Variants in ZNF223 observed in about 807,000 individuals in gnomAD.
The protein encoded by ZNF223 is Homo sapiens zinc finger protein 223.
In ZNF223, 9 loss-of-function variants were observed where a neutral mutation model predicts 12.3. That is an observed-to-expected ratio of 0.73 (90% CI 0.44 to 1.28). ZNF223 has a LOEUF of 1.28. ZNF223 is among the 50% of genes most tolerant of loss of function. ZNF223 has a pLI of 0.00. For synonymous variants in ZNF223, 171 were observed against 195.2 expected (o/e 0.88, Z 1.03); for missense variants, 506 against 579.0 (o/e 0.87, Z 1.29).
In ZNF223 at chr19:44,066,530, TG is replaced by T; in HGVS notation, c.703del (p.Glu235AsnfsTer61). 6.2e-7 allele frequency: 1 copy of T among 1,614,202 alleles called. No individual in the cohort carries two copies. Among genetic ancestry groups the T allele is most frequent in the South Asian group, 1.1e-5 (1 of 91,088 alleles). ...VHTGEKPFKC[E>X]QCGRGFRCRS... ...ATACTGGAGAGAAACCTTTCAAATGTGAACAATGTGGGAGAGGCTTCAGATG... is the reference window on the plus strand; with the variant it reads ...ATACTGGAGAGAAACCTTTCAAATGTAACAATGTGGGAGAGGCTTCAGATG... On this transcript the variant is annotated frameshift_variant, in exon 5 of 5. Coordinates refer to ENST00000434772, the MANE Select transcript of ZNF223 (RefSeq NM_013361.6). LOFTEE classifies it low-confidence loss of function (END_TRUNC).
intron 1 of ZNF223, 115 bp from the exon 2 acceptor site, chr19:44,054,994 G>A (rs551265649): frequency 1.9e-6 from 1 of 519,166 alleles, no homozygotes; most frequent in Admixed American, 3.1e-5. Context: ...GGGTTAGTAT[G>A]AATAATGCTG....
Position 44,066,452 on chromosome 19 carries a change from G to A in ZNF223, c.624G>A (p.Val208=). ...GAGAGAAACTCTTTAAGTGTGACGT[G>A]TGTGGTAAGGAATTCAGTCAGAGTT... ...HLGEKLFKCD[V]CGKEFSQSLH... Residue 208 remains valine (V), a synonymous_variant, in exon 5 of 5, where the codon GTG becomes GTA. Coordinates refer to ENST00000434772, the MANE Select transcript of ZNF223 (RefSeq NM_013361.6). 1.2e-6 allele frequency: 2 copies of A among 1,614,192 alleles called. No individual in the cohort carries two copies. Among genetic ancestry groups the A allele is most frequent in the South Asian group, 1.1e-5 (1 of 91,076 alleles).
chr19:44,065,548 G>C (rs987821476), intron 4 of ZNF223, among the ~76,000 whole-genome samples: 5 of 148,688 alleles, frequency 3.4e-5, no homozygotes, highest in Middle Eastern at 3.5e-3. Flanking sequence ...TTTTTTATTT[G>C]AAATGTGGTA....
chr19:44,052,859 T>C (rs2147466085), intron 1 of ZNF223, among the ~76,000 whole-genome samples: 1 of 152,016 alleles, frequency 6.6e-6, no homozygotes, highest in East Asian at 1.9e-4. Flanking sequence ...AATAATACTG[T>C]TACCGATTAC....
intron 3 of ZNF223, 29 bp from the exon 4 acceptor site, chr19:44,060,720 A>G: frequency 6.2e-7 from 1 of 1,613,830 alleles, no homozygotes; most frequent in East Asian, 2.2e-5. Flanking sequence ...ATATGTTGGG[A>G]TTAAGCATGT....
intron 2 of ZNF223, among the ~76,000 whole-genome samples, chr19:44,058,126 A>G (rs1045172125): frequency 4.6e-5 from 7 of 152,204 alleles, no homozygotes; most frequent in Non-Finnish European, 1.5e-5. Flanking sequence ...TGAGAGAGGA[A>G]CAAAGCCCAG....
rs1043114212 is a variant in ZNF223, at chr19:44,056,777, T to A, written c.15+1586T>A. On this transcript the variant is annotated intron_variant, in intron 2 of 4. Coordinates refer to ENST00000434772, the MANE Select transcript of ZNF223 (RefSeq NM_013361.6). ...CACCCGGCTAATTTTTTTGTGTGTTTTTAGTAGAGACGGGGTTTCACCGTG... is the reference window on the plus strand; with the variant it reads ...CACCCGGCTAATTTTTTTGTGTGTTATTAGTAGAGACGGGGTTTCACCGTG... Among the ~76,000 whole-genome samples, 3 of 151,552 alleles carry A rather than the reference T, an allele frequency of 2.0e-5. No homozygotes were observed. In the South Asian group the frequency reaches 6.3e-4, roughly 32 times the overall value.
chr19:44,065,019 AC>A (rs1416376307), intron 4 of ZNF223, among the ~76,000 whole-genome samples: 1 of 152,106 alleles, frequency 6.6e-6, no homozygotes, highest in Non-Finnish European at 1.5e-5. Context: ...TGACCTAAAG[AC>A]CTACATTAAA....
intron 1 of ZNF223, among the ~76,000 whole-genome samples, chr19:44,053,636 G>C (rs1483541223): frequency 7.9e-5 from 12 of 152,122 alleles, no homozygotes; most frequent in Non-Finnish European, 1.5e-4. Context: ...ACTGCAAAGA[G>C]GCCTTCCTCT....
In ZNF223 at chr19:44,066,047, A is replaced by G. The variant is rs372138823; in HGVS notation, c.236-17A>G. The G allele has an allele frequency of 5.6e-5, 88 of 1,564,466 alleles. No homozygotes were observed. In the African/African-American group the frequency reaches 1.1e-3, roughly 20 times the overall value. On this transcript the variant is annotated splice_polypyrimidine_tract_variant and intron_variant, in intron 4 of 4. Coordinates refer to ENST00000434772, the MANE Select transcript of ZNF223 (RefSeq NM_013361.6). ...GGGCATAGCTTGTCCTGATCTCTTA[A>G]TTTTGTATTCTGATAGGAGGCAAGA...
In ZNF223 at chr19:44,055,154, A is replaced by G; in HGVS notation, c.-23A>G. 6.2e-7 allele frequency: 1 copy of G among 1,613,070 alleles called. No homozygotes were observed. Among genetic ancestry groups the G allele is most frequent in the Non-Finnish European group, 8.5e-7 (1 of 1,179,344 alleles). On this transcript the variant is annotated 5_prime_UTR_variant, in exon 2 of 5. Coordinates refer to ENST00000434772, the MANE Select transcript of ZNF223 (RefSeq NM_013361.6). ...GAACTGTGTCATTCAGGACTCTGCA[A>G]ATTCCCTAAAGTAGGAGGAAAAATG...
At chr19:44,054,298 T>G (rs1161074299) in intron 1 of ZNF223, among the ~76,000 whole-genome samples, 3 of 152,094 alleles carry the variant, frequency 2.0e-5, no homozygotes, top group Non-Finnish European at 4.4e-5. Flanking sequence ...GTCCCTTCAT[T>G]GGTGATCTCA....
chr19:44,059,684 G>A (rs145617665), intron 2 of ZNF223, among the ~76,000 whole-genome samples: 48 of 152,276 alleles, frequency 3.2e-4, no homozygotes, highest in Admixed American at 1.1e-3. Context: ...CTGTCCTGAG[G>A]CTACTACCAT....
chr19:44,060,703 A>C, intron 3 of ZNF223, 46 bp from the exon 4 acceptor site: 1 of 1,613,648 alleles, frequency 6.2e-7, no homozygotes, highest in Non-Finnish European at 8.5e-7. Context: ...CCGTGATATT[A>C]TCTAGAATAT....
intron 1 of ZNF223, among the ~76,000 whole-genome samples, chr19:44,053,409 A>T (rs879586897): frequency 6.6e-6 from 1 of 152,174 alleles, no homozygotes; most frequent in Non-Finnish European, 1.5e-5. Flanking sequence ...GTTTAAGGAA[A>T]GGAGTTGTGC....
In ZNF223 at chr19:44,063,869, T is replaced by G. The variant is rs539848589; in HGVS notation, c.236-2195T>G. 1.1e-4 allele frequency among the ~76,000 whole-genome samples: 16 copies of G among 152,252 alleles called. No individual in the cohort carries two copies. The South Asian group carries it at 3.3e-3, about 32-fold the overall frequency. On this transcript the variant is annotated intron_variant, in intron 4 of 4. Transcript: ENST00000434772. ...GAAAAATGGGGTCATCTGTTTTCAC[T>G]TAGGGCTGAGGTTCTAGGCTTAAGG...
rs1251886703 is a variant in ZNF223 at position 44,067,597 on chromosome 19, C to T, written c.*320C>T. ...GTTCTCACTACTTCTAAGAAATCAGCTTTTTAAGCTTCCCCATGTGATTGA... is the reference window on the plus strand; with the variant it reads ...GTTCTCACTACTTCTAAGAAATCAGTTTTTTAAGCTTCCCCATGTGATTGA... On this transcript the variant is annotated 3_prime_UTR_variant, in exon 5 of 5. Coordinates refer to ENST00000434772, the MANE Select transcript of ZNF223 (RefSeq NM_013361.6). The T allele has an allele frequency of 2.5e-6, 1 of 394,508 alleles. No homozygotes were observed. The highest frequency in any genetic ancestry group is 3.5e-5 in the Admixed American group (1 of 28,482). 24.4% of individuals were successfully genotyped at this position (394,508 alleles called of 1,614,324 possible).
chr19:44,060,472 G>A lies in ZNF223; in HGVS notation c.33G>A (p.Lys11=), dbSNP rs759965149. MTMSKEAVTF[K]DVAVVFTEEE... The stretch of plus-strand genomic sequence containing the variant: ...TGCTGTAGGAGGCAGTGACCTTCAA[G>A]GATGTGGCAGTGGTCTTCACTGAGG... The change falls in exon 3 of 5, where the codon AAG becomes AAA. Residue 11 remains lysine, a synonymous_variant. Transcript: ENST00000434772. 7.4e-5 allele frequency: 119 copies of A among 1,614,030 alleles called. 1 individual carries two copies. Among genetic ancestry groups the A allele is most frequent in the Non-Finnish European group, 1.0e-4 (119 of 1,180,006 alleles).
At position 44,060,509 on chromosome 19, in the gene ZNF223, C is replaced by A. The variant is rs756685152; in HGVS notation, c.70C>A (p.Leu24Met). 31 of 1,614,014 alleles carry A rather than the reference C, an allele frequency of 1.9e-5. No homozygotes were observed. The Admixed American group carries it at 5.0e-4, about 26-fold the overall frequency. Reference sequence around the variant, plus strand: ...GGTCTTCACTGAGGAGGAGCTGGGGCTGCTGGACCTTGCCCAGAGGAAGCT... The same window carrying A: ...GGTCTTCACTGAGGAGGAGCTGGGGATGCTGGACCTTGCCCAGAGGAAGCT... The part of the protein sequence containing the change: ...AVVFTEEELG[L>M]LDLAQRKLYR... The change falls in exon 3 of 5, where the codon CTG becomes ATG. Residue 24 changes from leucine to methionine, a missense_variant. Physicochemically the swap from Leu to Met is conservative, Grantham distance 15 (BLOSUM62 2). Transcript: ENST00000434772.
Sources: allele counts gnomAD v4.1 joint callset (sites outside exome capture counted in the v4.1 genomes callset), GRCh38; gene constraint gnomAD v4.1.1; transcripts MANE v1.5; gene names NCBI Gene and HGNC (gene_info 2026-07-23, HGNC 2026-07-21).